Variants in TMEM132D observed in about 807,000 individuals in gnomAD.
TMEM132D encodes mature OL transmembrane protein.
Under a neutral mutation model 62.3 loss-of-function variants are expected in TMEM132D, and 21 were observed. The ratio of observed to expected loss-of-function variants is 0.34; its 90% CI spans 0.24 to 0.49. The LOEUF is 0.49. TMEM132D is among the 20% of genes least tolerant of loss of function. TMEM132D has a pLI of 0.99. For synonymous variants in TMEM132D, 621 were observed against 575.6 expected (o/e 1.08, Z -1.13); for missense variants, 1,346 against 1,402.8 (o/e 0.96, Z 0.65).
intron 4 of TMEM132D, among the ~76,000 whole-genome samples, chr12:129,221,960 T>G (rs991587719): frequency 6.6e-6 from 1 of 152,222 alleles, no homozygotes; most frequent in Non-Finnish European, 1.5e-5. Context: ...CCTGTGTGCT[T>G]CTTTTGACAA....
intron 1 of TMEM132D, among the ~76,000 whole-genome samples, chr12:129,850,164 T>C (rs183196197): frequency 0.012 from 1,869 of 152,230 alleles, 40 homozygotes; most frequent in African/African-American, 0.042. Context: ...GGTGGATCTC[T>C]CTCTCTCCTC....
At chr12:129,266,754 C>T (rs971177982) in intron 4 of TMEM132D, among the ~76,000 whole-genome samples, 3 of 152,036 alleles carry the variant, frequency 2.0e-5, no homozygotes, top group Admixed American at 2.0e-4. Context: ...CAACCTCCTA[C>T]ATCCAATCCA....
At chr12:129,766,472 C>T (rs765048280) in intron 1 of TMEM132D, among the ~76,000 whole-genome samples, 6 of 152,106 alleles carry the variant, frequency 3.9e-5, no homozygotes, top group African/African-American at 1.4e-4. Context: ...AATCTATCAC[C>T]CCAAAATATG....
At chr12:129,360,211 A>G (rs1331652630) in intron 3 of TMEM132D, among the ~76,000 whole-genome samples, 1 of 151,802 alleles carries the variant, frequency 6.6e-6, no homozygotes, top group African/African-American at 2.4e-5. Context: ...ACACCCCACA[A>G]CCTCCAAAGA....
At chr12:129,746,683 A>G (rs1869790000) in intron 1 of TMEM132D, among the ~76,000 whole-genome samples, 1 of 152,132 alleles carries the variant, frequency 6.6e-6, no homozygotes. Context: ...GGACCTCCCA[A>G]GACTCAGGTT....
At chr12:129,474,262 C>G (rs1056371264) in intron 3 of TMEM132D, among the ~76,000 whole-genome samples, 15 of 152,168 alleles carry the variant, frequency 9.9e-5, no homozygotes, top group African/African-American at 2.9e-4. Flanking sequence ...CCCTTCTGCT[C>G]CCTCCTAACA....
At chr12:129,604,314 T>A (rs573573324) in intron 2 of TMEM132D, among the ~76,000 whole-genome samples, 2 of 152,246 alleles carry the variant, frequency 1.3e-5, no homozygotes, top group South Asian at 2.1e-4. Flanking sequence ...AGCACATGTA[T>A]CCCAGAACTT....
At chr12:129,652,571 C>T (rs1485495294) in intron 2 of TMEM132D, among the ~76,000 whole-genome samples, 8 of 152,174 alleles carry the variant, frequency 5.3e-5, no homozygotes, top group Admixed American at 5.2e-4. Context: ...TTTGAAGATG[C>T]CACCCTGCTG....
At chr12:129,228,813 G>A (rs1304878263) in intron 4 of TMEM132D, among the ~76,000 whole-genome samples, 2 of 152,146 alleles carry the variant, frequency 1.3e-5, no homozygotes, top group South Asian at 2.1e-4. Context: ...TCCAAGGACC[G>A]CATCCCGCCC....
At chr12:129,666,642 C>T (rs1051010492) in intron 2 of TMEM132D, among the ~76,000 whole-genome samples, 1 of 152,130 alleles carries the variant, frequency 6.6e-6, no homozygotes, top group African/African-American at 2.4e-5. Flanking sequence ...TGTGGATAGC[C>T]ACGCCCGTAG....
intron 3 of TMEM132D, among the ~76,000 whole-genome samples, chr12:129,437,106 C>T (rs1168774117): frequency 1.3e-5 from 2 of 152,080 alleles, no homozygotes; most frequent in African/African-American, 4.8e-5. Context: ...GACTTCTTTG[C>T]AGCCAGGTGT....
intron 2 of TMEM132D, among the ~76,000 whole-genome samples, chr12:129,660,811 A>G (rs189618029): frequency 3.1e-4 from 47 of 152,182 alleles, no homozygotes; most frequent in Admixed American, 2.8e-3. Context: ...ATAACTCTCC[A>G]TGACAGATAG....
At chr12:129,572,746 G>C (rs879370930) in intron 2 of TMEM132D, among the ~76,000 whole-genome samples, 3 of 152,030 alleles carry the variant, frequency 2.0e-5, no homozygotes, top group Non-Finnish European at 4.4e-5. Flanking sequence ...AGCGCGCCCG[G>C]CCCAGAGGGT....
At chr12:129,244,292 A>G (rs1880019542) in intron 4 of TMEM132D, among the ~76,000 whole-genome samples, 1 of 150,286 alleles carries the variant, frequency 6.7e-6, no homozygotes, top group Non-Finnish European at 1.5e-5. Flanking sequence ...AGGCTGAGGC[A>G]GGAGAATGGC....
intron 1 of TMEM132D, among the ~76,000 whole-genome samples, chr12:129,821,331 GC>G (rs1175715333): frequency 1.3e-5 from 2 of 152,266 alleles, no homozygotes; most frequent in Middle Eastern, 3.4e-3. Flanking sequence ...CACGTCAGAT[GC>G]TCCCCACAGC....
At chr12:129,145,386 G>A (rs960104369) in intron 5 of TMEM132D, among the ~76,000 whole-genome samples, 4 of 152,152 alleles carry the variant, frequency 2.6e-5, no homozygotes, top group African/African-American at 4.8e-5. Flanking sequence ...TGCGTTTCAA[G>A]GGGCAGTTCC....
At chr12:129,663,365 C>T (rs551698341) in intron 2 of TMEM132D, among the ~76,000 whole-genome samples, 9 of 152,088 alleles carry the variant, frequency 5.9e-5, no homozygotes, top group Non-Finnish European at 1.2e-4. Context: ...CTTGAACTCC[C>T]GACCTCAGGT....
intron 3 of TMEM132D, among the ~76,000 whole-genome samples, chr12:129,498,589 A>G (rs1338473030): frequency 6.6e-6 from 1 of 152,186 alleles, no homozygotes; most frequent in Non-Finnish European, 1.5e-5. Context: ...AATTTCCAAC[A>G]TCTTTTTCCT....
At chr12:129,718,096 C>T (rs1868658926) in intron 1 of TMEM132D, among the ~76,000 whole-genome samples, 1 of 152,226 alleles carries the variant, frequency 6.6e-6, no homozygotes. Context: ...AGGTTGATCC[C>T]CTGCCCCTGC....
Sources: allele counts gnomAD v4.1 joint callset (sites outside exome capture counted in the v4.1 genomes callset), GRCh38; gene constraint gnomAD v4.1.1; transcripts MANE v1.5; gene names NCBI Gene and HGNC (gene_info 2026-07-23, HGNC 2026-07-21).